Variants in SLC39A14 observed in about 807,000 individuals in gnomAD.
The protein encoded by SLC39A14 is solute carrier family 39 member 14, also known as metal cation symporter ZIP14.
A neutral mutation model predicts 45.5 loss-of-function variants in SLC39A14; 19 were observed. The observed-to-expected ratio is 0.42, with a 90% CI of 0.29 to 0.61. The LOEUF (loss-of-function observed/expected upper bound fraction) is 0.61, where lower values mean the gene tolerates loss of function less well. Among genes scored for constraint, SLC39A14 ranks in the 20% least tolerant of loss-of-function variants. SLC39A14 has a pLI of 0.22. For missense variants in SLC39A14, 447 were observed against 616.5 expected (o/e 0.73, Z 2.91); for synonymous variants, 264 against 251.3 (o/e 1.05, Z -0.48).
intron 1 of SLC39A14, among the ~76,000 whole-genome samples, chr8:22,372,317 G>C (rs1198660869): frequency 6.6e-6 from 1 of 151,824 alleles, no homozygotes. Context: ...TTCAATAAAT[G>C]CTCCAAGGTA....
intron 2 of SLC39A14, 73 bp from the exon 3 acceptor site, chr8:22,408,237 G>A (rs1835341169): frequency 2.2e-6 from 3 of 1,334,156 alleles, no homozygotes; most frequent in Non-Finnish European, 3.1e-6. Context: ...GGAAGGCTGA[G>A]TAGGTTGCTG....
downstream of SLC39A14, among the ~76,000 whole-genome samples, chr8:22,424,709 T>C (rs927406477): frequency 6.6e-6 from 1 of 152,090 alleles, no homozygotes; most frequent in Non-Finnish European, 1.5e-5. Flanking sequence ...ATGTCAGCAC[T>C]GGCCATATGG....
chr8:22,401,511 T>C (rs558280063), intron 1 of SLC39A14, among the ~76,000 whole-genome samples: 20 of 152,182 alleles, frequency 1.3e-4, no homozygotes, highest in African/African-American at 4.8e-4. Context: ...ATCTGTGTTC[T>C]TTCTTTCTGT....
At chr8:22,397,096 C>T (rs966266472) in intron 1 of SLC39A14, among the ~76,000 whole-genome samples, 3 of 152,018 alleles carry the variant, frequency 2.0e-5, no homozygotes, top group African/African-American at 7.2e-5. Context: ...TCATTAAACT[C>T]TGCAAGTTTA....
At position 22,415,935 on chromosome 8, in the gene SLC39A14, T is replaced by C. The variant is rs760788953; in HGVS notation, c.917T>C (p.Ile306Thr). ...GCGCCCATGGTGGACGAGAAGGTCATTGTGGGCTCGCTCTCTGTGCAGGTC... is the reference window on the plus strand; with the variant it reads ...GCGCCCATGGTGGACGAGAAGGTCACTGTGGGCTCGCTCTCTGTGCAGGTC... ...GKAPMVDEKV[I>T]VGSLSVQDLQ... The change falls in exon 6 of 9, where the codon ATT becomes ACT. Residue 306 changes from isoleucine to threonine, a missense_variant. This residue lies in a region of SLC39A14 where 342 missense variants were observed against 428.1 expected (regional missense o/e 0.80). Coordinates refer to ENST00000381237, the MANE Select transcript of SLC39A14 (RefSeq NM_001128431.4). 11 of 1,606,654 alleles carry C rather than the reference T, an allele frequency of 6.8e-6. No individual in the cohort carries two copies. Among genetic ancestry groups the C allele is most frequent in the Admixed American group, 3.4e-5 (2 of 58,806 alleles).
intron 1 of SLC39A14, among the ~76,000 whole-genome samples, chr8:22,380,387 C>T (rs1348681322): frequency 2.6e-5 from 4 of 152,256 alleles, no homozygotes; most frequent in African/African-American, 9.6e-5. Context: ...GTGTTTGGTC[C>T]AGCAGTCTTG....
At chr8:22,384,089 G>A (rs549139483) in intron 1 of SLC39A14, among the ~76,000 whole-genome samples, 4 of 152,120 alleles carry the variant, frequency 2.6e-5, no homozygotes, top group Non-Finnish European at 5.9e-5. Flanking sequence ...AGCCTTGGCC[G>A]TGGGTGAACT....
intron 1 of SLC39A14, among the ~76,000 whole-genome samples, chr8:22,403,132 A>G (rs1406541409): frequency 2.6e-5 from 4 of 151,900 alleles, no homozygotes; most frequent in African/African-American, 7.3e-5. Context: ...GCCCGCCACC[A>G]CACCCGGCTA....
At chr8:22,415,669 G>A (rs550240168) in intron 5 of SLC39A14, 100 bp from the exon 6 acceptor site, 7 of 1,083,822 alleles carry the variant, frequency 6.5e-6, no homozygotes, top group East Asian at 5.1e-5. Context: ...TGGTAAGGCT[G>A]AGGTCTTCCA....
intron 3 of SLC39A14, among the ~76,000 whole-genome samples, chr8:22,409,512 A>G (rs1203223285): frequency 2.0e-5 from 3 of 152,016 alleles, no homozygotes; most frequent in African/African-American, 7.3e-5. Flanking sequence ...CCTCCTGAGT[A>G]GCTGGGATTT....
downstream of SLC39A14, among the ~76,000 whole-genome samples, chr8:22,424,048 A>G (rs1836340492): frequency 1.3e-5 from 2 of 151,894 alleles, no homozygotes; most frequent in African/African-American, 4.8e-5. Context: ...GGCCTCCCAA[A>G]GTGCTGGGAT....
At chr8:22,424,650 G>C (rs901019627), downstream of SLC39A14, among the ~76,000 whole-genome samples, 13 of 151,862 alleles carry the variant, frequency 8.6e-5, no homozygotes, top group Admixed American at 5.9e-4. Flanking sequence ...GCTGTTCTTT[G>C]CATACCAAAT....
chr8:22,380,599 A>T (rs1833451774), intron 1 of SLC39A14, among the ~76,000 whole-genome samples: 1 of 152,026 alleles, frequency 6.6e-6, no homozygotes, highest in South Asian at 2.1e-4. Flanking sequence ...ATCCTCAAAA[A>T]GGGAGCAAAA....
intron 1 of SLC39A14, among the ~76,000 whole-genome samples, chr8:22,388,004 T>G (rs1478188627): frequency 6.6e-6 from 1 of 152,146 alleles, no homozygotes; most frequent in Non-Finnish European, 1.5e-5. Flanking sequence ...GGTGAGGATG[T>G]GTCTGTCTGT....
chr8:22,386,243 C>T (rs565767764), intron 1 of SLC39A14, among the ~76,000 whole-genome samples: 3 of 150,164 alleles, frequency 2.0e-5, no homozygotes, highest in Non-Finnish European at 4.4e-5. Context: ...CTGCGCCTGA[C>T]GAATATGTAC....
chr8:22,407,729 CAG>C (rs1835309084), intron 2 of SLC39A14, among the ~76,000 whole-genome samples: 2 of 138,660 alleles, frequency 1.4e-5, no homozygotes, highest in African/African-American at 5.5e-5. Flanking sequence ...TTTTAAGAGA[CAG>C]GGTGTTGCTC....
At chr8:22,387,208 G>C (rs1301598750) in intron 1 of SLC39A14, among the ~76,000 whole-genome samples, 1 of 151,068 alleles carries the variant, frequency 6.6e-6, no homozygotes, top group African/African-American at 2.4e-5. Flanking sequence ...TTAAAAACTT[G>C]GAGTGTCCAG....
chr8:22,403,968 CCTAT>C (rs1348396219), intron 1 of SLC39A14, among the ~76,000 whole-genome samples: 2 of 152,050 alleles, frequency 1.3e-5, no homozygotes, highest in African/African-American at 2.4e-5. Flanking sequence ...CTGATGAATT[CCTAT>C]CTACCTGTCA....
In SLC39A14 at chr8:22,404,783, A is replaced by G; in HGVS notation, c.73A>G (p.Thr25Ala). The change falls in exon 2 of 9, where the codon ACC becomes GCC. Residue 25 changes from threonine (T) to alanine (A), a missense_variant. This residue lies in a region of SLC39A14 where 342 missense variants were observed against 428.1 expected (regional missense o/e 0.80). Coordinates refer to ENST00000381237, the MANE Select transcript of SLC39A14 (RefSeq NM_001128431.4). ...GACCCTGCTTGGCTTATGGAGAACC[A>G]CCCCTGAGGCTCACGCTTCATCCCT... Reference protein sequence around the residue: ...LLTLLGLWRTTPEAHASSLGA... With the variant: ...LLTLLGLWRTAPEAHASSLGA... 6.2e-7 allele frequency: 1 copy of G among 1,613,212 alleles called. No homozygotes were observed. The highest frequency in any genetic ancestry group is 8.5e-7 in the Non-Finnish European group (1 of 1,179,426).
Sources: allele counts gnomAD v4.1 joint callset (sites outside exome capture counted in the v4.1 genomes callset), GRCh38; gene constraint gnomAD v4.1.1; regional missense constraint gnomAD v4.1.1; transcripts MANE v1.5; gene names NCBI Gene and HGNC (gene_info 2026-07-23, HGNC 2026-07-21).